RBFOX1: variants seen among roughly 807,000 people sequenced by gnomAD.
RBFOX1 encodes the protein RNA binding protein fox-1 homolog 1.
A neutral mutation model predicts 57.7 loss-of-function variants in RBFOX1; 8 were observed. The ratio of observed to expected loss-of-function variants is 0.14; its 90% CI spans 0.08 to 0.25. The LOEUF (loss-of-function observed/expected upper bound fraction) is 0.25, where lower values mean the gene tolerates loss of function less well. Ranked by LOEUF, RBFOX1 falls within the 10% of genes least tolerant of loss-of-function variation. The probability of loss-of-function intolerance (pLI) is 1.00; values close to 1 mark genes in which losing one functional copy is unlikely to be tolerated. For synonymous variants in RBFOX1, 326 were observed against 222.4 expected (o/e 1.47, Z -4.15); for missense variants, 611 against 548.5 (o/e 1.11, Z -1.14).
chr16:6,896,286 C>T (rs571397081), intron 3 of RBFOX1, among the ~76,000 whole-genome samples: 3 of 152,078 alleles, frequency 2.0e-5, no homozygotes, highest in East Asian at 1.9e-4. Flanking sequence ...ACAGTTTATC[C>T]TTTTTGGTAC....
intron 2 of RBFOX1, among the ~76,000 whole-genome samples, chr16:6,326,009 C>T (rs2082328389): frequency 2.0e-5 from 3 of 152,144 alleles, no homozygotes; most frequent in Non-Finnish European, 4.4e-5. Context: ...CACTGACTGA[C>T]TTGTGTGCGT....
chr16:7,603,824 T>C (rs7206390), intron 9 of RBFOX1, among the ~76,000 whole-genome samples: 112,564 of 151,996 alleles, frequency 0.74, 42,586 homozygotes, highest in Admixed American at 0.84. Flanking sequence ...TGTGCTTATC[T>C]CAAATTGGGA....
At chr16:5,509,203 C>G (rs540565736) in intron 2 of RBFOX1, among the ~76,000 whole-genome samples, 1 of 152,188 alleles carries the variant, frequency 6.6e-6, no homozygotes, top group African/African-American at 2.4e-5. Flanking sequence ...CAGGGTGGTG[C>G]AAGAGCAGGA....
intron 3 of RBFOX1, among the ~76,000 whole-genome samples, chr16:6,812,481 C>G (rs776941086): frequency 2.0e-5 from 3 of 152,088 alleles, no homozygotes; most frequent in East Asian, 1.9e-4. Context: ...TCAAGTGATT[C>G]TCTTGCCATA....
intron 4 of RBFOX1, among the ~76,000 whole-genome samples, chr16:7,464,758 G>C (rs1428642697): frequency 1.4e-5 from 2 of 138,738 alleles, no homozygotes; most frequent in Non-Finnish European, 3.0e-5. Context: ...GTGCAGTCGC[G>C]TGATCTCGGC....
intron 4 of RBFOX1, among the ~76,000 whole-genome samples, chr16:7,140,489 T>C (rs527536755): frequency 1.3e-5 from 2 of 152,244 alleles, no homozygotes; most frequent in South Asian, 2.1e-4. Flanking sequence ...CAATTTATTG[T>C]TGGATACCCA....
chr16:6,412,257 C>T (rs1195452564), intron 2 of RBFOX1, among the ~76,000 whole-genome samples: 2 of 152,050 alleles, frequency 1.3e-5, no homozygotes, highest in Non-Finnish European at 2.9e-5. Flanking sequence ...AAAGGTATGT[C>T]CCCAAGAACA....
intron 1 of RBFOX1, among the ~76,000 whole-genome samples, chr16:6,157,201 C>T (rs568502862): frequency 1.1e-3 from 168 of 151,420 alleles, no homozygotes; most frequent in African/African-American, 3.8e-3. Flanking sequence ...ATTTATATTC[C>T]CTTTAAAGTG....
At chr16:7,208,199 A>T (rs1056777962) in intron 4 of RBFOX1, among the ~76,000 whole-genome samples, 8 of 152,152 alleles carry the variant, frequency 5.3e-5, no homozygotes, top group Non-Finnish European at 1.0e-4. Flanking sequence ...GTAGCCAATT[A>T]TGTCACCATC....
chr16:6,798,398 G>T (rs1392813663), intron 3 of RBFOX1, among the ~76,000 whole-genome samples: 2 of 152,196 alleles, frequency 1.3e-5, no homozygotes, highest in South Asian at 2.1e-4. Context: ...AGAAGTAGAG[G>T]CTATCACCAG....
At chr16:7,225,065 T>C (rs946536980) in intron 4 of RBFOX1, among the ~76,000 whole-genome samples, 6 of 152,202 alleles carry the variant, frequency 3.9e-5, no homozygotes, top group Non-Finnish European at 8.8e-5. Flanking sequence ...GTGATATGTT[T>C]AAAACACTAA....
At chr16:5,434,261 C>T (rs1409194465) in intron 1 of RBFOX1, among the ~76,000 whole-genome samples, 2 of 150,776 alleles carry the variant, frequency 1.3e-5, no homozygotes, top group African/African-American at 4.9e-5. Context: ...AGAAATATTC[C>T]CCTGGGCTTC....
downstream of RBFOX1, among the ~76,000 whole-genome samples, chr16:5,604,505 A>G (rs187394518): frequency 1.3e-5 from 2 of 152,290 alleles, no homozygotes; most frequent in East Asian, 1.9e-4. Context: ...GCAGTTTACA[A>G]TGTGACAGTG....
intron 3 of RBFOX1, among the ~76,000 whole-genome samples, chr16:6,772,533 G>A (rs903195421): frequency 9.9e-5 from 15 of 150,988 alleles, no homozygotes; most frequent in Middle Eastern, 3.4e-3. Context: ...GGTATGGGGC[G>A]CATTTGTGAG....
At chr16:6,640,664 T>C (rs1001247414) in intron 2 of RBFOX1, among the ~76,000 whole-genome samples, 2 of 152,016 alleles carry the variant, frequency 1.3e-5, no homozygotes, top group African/African-American at 4.8e-5. Flanking sequence ...GTGTGGGAAG[T>C]AGGTACATTG....
At chr16:6,120,921 G>A (rs1474960506) in intron 1 of RBFOX1, among the ~76,000 whole-genome samples, 1 of 152,206 alleles carries the variant, frequency 6.6e-6, no homozygotes, top group Non-Finnish European at 1.5e-5. Context: ...GGAGAACGAA[G>A]TCTGGGGCTG....
rs368108381 is a variant in RBFOX1, at chr16:6,085,563, C to T, written c.-127+65571C>T. On this transcript the variant is annotated intron_variant, in intron 1 of 15. Coordinates refer to ENST00000550418, the MANE Select transcript of RBFOX1 (RefSeq NM_018723.4). The stretch of plus-strand genomic sequence containing the variant: ...GGATTACAGGCGTGAGCCACTGTGC[C>T]CGACCCTCACACCCAGGTTTTTAGG... Among the ~76,000 whole-genome samples, 5 of 152,316 alleles carry T rather than the reference C, an allele frequency of 3.3e-5. No homozygotes were observed. The South Asian group carries it at 8.3e-4, about 25-fold the overall frequency.
intron 3 of RBFOX1, among the ~76,000 whole-genome samples, chr16:6,965,411 C>T (rs1180685787): frequency 6.6e-6 from 1 of 151,748 alleles, no homozygotes; most frequent in East Asian, 1.9e-4. Flanking sequence ...GGCGTGATCT[C>T]AGCTTACTGC....
intron 2 of RBFOX1, among the ~76,000 whole-genome samples, chr16:6,569,062 A>T (rs2097307553): frequency 6.6e-6 from 1 of 152,174 alleles, no homozygotes; most frequent in African/African-American, 2.4e-5. Context: ...TAGCTCTTGG[A>T]TAATATGCTA....
Sources: allele counts gnomAD v4.1 joint callset (sites outside exome capture counted in the v4.1 genomes callset), GRCh38; gene constraint gnomAD v4.1.1; transcripts MANE v1.5; gene names NCBI Gene and HGNC (gene_info 2026-07-23, HGNC 2026-07-21).